DDAH1: variants seen among roughly 807,000 people sequenced by gnomAD.
The protein encoded by DDAH1 is N(G),N(G)-dimethylarginine dimethylaminohydrolase 1.
A neutral mutation model predicts 28.8 loss-of-function variants in DDAH1; 19 were observed. The observed-to-expected ratio is 0.66, with a 90% CI of 0.46 to 0.97. The LOEUF (loss-of-function observed/expected upper bound fraction) is 0.97, where lower values mean the gene tolerates loss of function less well. DDAH1 is among the 50% of genes least tolerant of loss of function. DDAH1 has a pLI of 0.00. For synonymous variants in DDAH1, 153 were observed against 154.4 expected (o/e 0.99, Z 0.07); for missense variants, 326 against 375.9 (o/e 0.87, Z 1.10).
intron 4 of DDAH1, among the ~76,000 whole-genome samples, chr1:85,349,705 G>A (rs1445550473): frequency 6.6e-6 from 1 of 152,206 alleles, no homozygotes; most frequent in Non-Finnish European, 1.5e-5. Context: ...GCATAATGAT[G>A]AGCAAAACAG....
At position 85,546,194 on chromosome 1, in the gene DDAH1, C is replaced by G. The variant is rs139264902; in HGVS notation, c.-123+31790G>C. Among the ~76,000 whole-genome samples, 786 of 151,628 alleles carry G rather than the reference C, an allele frequency of 5.2e-3. 7 individuals carry two copies. The highest frequency in any genetic ancestry group is 7.8e-3 in the Non-Finnish European group (532 of 67,948). ...TTGCAGAAGTATTAAGAAGTGGGACCTTTAAGAGGTGATTAGGCCATGGCA... is the reference window on the plus strand; with the variant it reads ...TTGCAGAAGTATTAAGAAGTGGGACGTTTAAGAGGTGATTAGGCCATGGCA... On this transcript the variant is annotated intron_variant, in intron 1 of 6. Coordinates refer to the DDAH1 transcript ENST00000426972.
chr1:85,428,083 T>C (rs1009990424), intron 1 of DDAH1, among the ~76,000 whole-genome samples: 1 of 152,196 alleles, frequency 6.6e-6, no homozygotes, highest in African/African-American at 2.4e-5. Flanking sequence ...GTGGTCTACC[T>C]AAGTAAGAAC....
intron 1 of DDAH1, among the ~76,000 whole-genome samples, chr1:85,453,970 C>A (rs148541608): frequency 2.6e-5 from 4 of 152,252 alleles, no homozygotes; most frequent in African/African-American, 9.6e-5. Context: ...TCGGTCCCTA[C>A]CCCAAGAGTG....
At chr1:85,459,750 C>T (rs769186657) in intron 1 of DDAH1, among the ~76,000 whole-genome samples, 13 of 152,250 alleles carry the variant, frequency 8.5e-5, no homozygotes, top group African/African-American at 1.4e-4. Context: ...GATACAATTA[C>T]GCACAAACTG....
intron 1 of DDAH1, among the ~76,000 whole-genome samples, chr1:85,369,255 T>A (rs1261249846): frequency 6.7e-6 from 1 of 150,060 alleles, no homozygotes; most frequent in Non-Finnish European, 1.5e-5. Flanking sequence ...AGATGGGGTC[T>A]ACTTATGCTG....
intron 1 of DDAH1, among the ~76,000 whole-genome samples, chr1:85,435,636 T>G (rs1412737387): frequency 6.6e-6 from 1 of 152,128 alleles, no homozygotes; most frequent in Non-Finnish European, 1.5e-5. Flanking sequence ...TTGTGAAATT[T>G]TAAATAATAA....
At chr1:85,354,798 G>A (rs1649407060) in intron 2 of DDAH1, among the ~76,000 whole-genome samples, 1 of 151,924 alleles carries the variant, frequency 6.6e-6, no homozygotes, top group Non-Finnish European at 1.5e-5. Flanking sequence ...AGTAGTACTT[G>A]GAGGCCAAGT....
chr1:85,325,359 G>A (rs566000241), intron 4 of DDAH1, among the ~76,000 whole-genome samples: 30 of 151,796 alleles, frequency 2.0e-4, no homozygotes, highest in Non-Finnish European at 3.2e-4. Flanking sequence ...GTGCGTGCGC[G>A]CGCGCGCGCA....
chr1:85,503,374 T>C (rs1402698567), intron 1 of DDAH1, among the ~76,000 whole-genome samples: 1 of 152,146 alleles, frequency 6.6e-6, no homozygotes, highest in African/African-American at 2.4e-5. Flanking sequence ...TAATTTTTTG[T>C]ATTTTTAGTA....
rs1181155152 is a variant in DDAH1, at chr1:85,340,024, G to C, written c.597+10391C>G. 2.0e-5 allele frequency among the ~76,000 whole-genome samples: 3 copies of C among 152,156 alleles called. No individual in the cohort carries two copies. The East Asian group carries it at 5.8e-4, about 29-fold the overall frequency. ...TTCAGCCAATAAACAATCTAACACT[G>C]CTAGAGATGGAAGGCATGCAAATGT... is the stretch of plus-strand genomic sequence containing the variant. On this transcript the variant is annotated intron_variant, in intron 4 of 5. Transcript: ENST00000284031.
intron 1 of DDAH1, among the ~76,000 whole-genome samples, chr1:85,554,200 T>C (rs1256536528): frequency 6.6e-6 from 1 of 152,048 alleles, no homozygotes; most frequent in African/African-American, 2.4e-5. Flanking sequence ...TTTAGATCTA[T>C]TCATGCCTGA....
chr1:85,405,232 G>A lies in DDAH1; in HGVS notation c.304-46385C>T, dbSNP rs1431356727. Among the ~76,000 whole-genome samples, 3 of 151,984 alleles carry A rather than the reference G, an allele frequency of 2.0e-5. No homozygotes were observed. In the East Asian group the frequency reaches 5.8e-4, roughly 29 times the overall value. Reference sequence around the variant, plus strand: ...ATGGGTCTATTTATTAGCTGATATTGGCCTCCAACATCTAATATAACAAAT... The same window carrying A: ...ATGGGTCTATTTATTAGCTGATATTAGCCTCCAACATCTAATATAACAAAT... On this transcript the variant is annotated intron_variant, in intron 1 of 5. Coordinates refer to ENST00000284031, the MANE Select transcript of DDAH1 (RefSeq NM_012137.4).
chr1:85,342,311 A>T (rs1648544508), intron 4 of DDAH1, among the ~76,000 whole-genome samples: 1 of 152,038 alleles, frequency 6.6e-6, no homozygotes, highest in Non-Finnish European at 1.5e-5. Context: ...AATAGTGTGA[A>T]GTTTAACTTT....
At chr1:85,484,045 T>C (rs562168711) in intron 2 of DDAH1, among the ~76,000 whole-genome samples, 5 of 152,222 alleles carry the variant, frequency 3.3e-5, no homozygotes, top group African/African-American at 1.2e-4. Flanking sequence ...AAGAAGTATG[T>C]GGGTCATCTA....
chr1:85,397,862 T>C (rs1651883227), intron 1 of DDAH1, among the ~76,000 whole-genome samples: 2 of 152,164 alleles, frequency 1.3e-5, no homozygotes, highest in Admixed American at 1.3e-4. Flanking sequence ...TCTCTCGCTA[T>C]GTGACTCTAC....
chr1:85,503,907 C>T (rs761952107), intron 1 of DDAH1, among the ~76,000 whole-genome samples: 8 of 152,140 alleles, frequency 5.3e-5, no homozygotes, highest in African/African-American at 9.6e-5. Context: ...TGCAATGTAA[C>T]GATCCAGGAG....
chr1:85,538,112 G>A (rs1304419408), intron 1 of DDAH1, among the ~76,000 whole-genome samples: 1 of 152,100 alleles, frequency 6.6e-6, no homozygotes, highest in African/African-American at 2.4e-5. Flanking sequence ...GGCTATTGAT[G>A]TATAATACAT....
intron 1 of DDAH1, among the ~76,000 whole-genome samples, chr1:85,577,742 A>G (rs1357292339): frequency 6.6e-6 from 1 of 152,036 alleles, no homozygotes; most frequent in East Asian, 1.9e-4. Context: ...GCCGCCAGAC[A>G]GTGAGCCCTT....
At chr1:85,545,606 G>A (rs1524002) in intron 1 of DDAH1, among the ~76,000 whole-genome samples, 18,522 of 152,226 alleles carry the variant, frequency 0.12, 1,390 homozygotes, top group Non-Finnish European at 0.17. Flanking sequence ...GTGTATATGA[G>A]AGGCAAATAT....
Sources: allele counts gnomAD v4.1 joint callset (sites outside exome capture counted in the v4.1 genomes callset), GRCh38; gene constraint gnomAD v4.1.1; transcripts MANE v1.5; gene names NCBI Gene and HGNC (gene_info 2026-07-23, HGNC 2026-07-21).